Variants in LTBP1 observed in about 807,000 individuals in gnomAD.
LTBP1 encodes latent transforming growth factor beta binding protein 1.
In LTBP1, 129 loss-of-function variants were observed where a neutral mutation model predicts 207.6. The ratio of observed to expected loss-of-function variants is 0.62; its 90% CI spans 0.54 to 0.72. LTBP1 has a LOEUF of 0.72. Among genes scored for constraint, LTBP1 ranks in the 30% least tolerant of loss-of-function variants. LTBP1 has a pLI of 0.00. For missense variants in LTBP1, 2,281 were observed against 2,217.2 expected (o/e 1.03, Z -0.58); for synonymous variants, 963 against 833.7 (o/e 1.16, Z -2.67).
intron 10 of LTBP1, among the ~76,000 whole-genome samples, chr2:33,248,636 G>C (rs2092583474): frequency 6.6e-6 from 1 of 150,842 alleles, no homozygotes. Flanking sequence ...GCCCAGGCTG[G>C]AGTGCAGTGG....
intron 25 of LTBP1, 99 bp downstream of exon 25, chr2:33,343,062 G>A: frequency 7.5e-7 from 1 of 1,330,402 alleles, no homozygotes; most frequent in Non-Finnish European, 1.0e-6. Flanking sequence ...TTTGGGTAGA[G>A]CTTTATCGTA....
At chr2:33,375,704 ATTT>A (rs985682071) in intron 31 of LTBP1, among the ~76,000 whole-genome samples, 6 of 113,750 alleles carry the variant, frequency 5.3e-5, no homozygotes, top group East Asian at 2.7e-4. Flanking sequence ...ATTTTTTTGT[ATTT>A]TTTTTTTTTT....
At chr2:33,215,124 G>T (rs979434910) in intron 7 of LTBP1, among the ~76,000 whole-genome samples, 1 of 152,090 alleles carries the variant, frequency 6.6e-6, no homozygotes, top group Non-Finnish European at 1.5e-5. Context: ...GACATCTGGA[G>T]TAGGGAGCTT....
chr2:32,973,408 G>A (rs565216031), intron 2 of LTBP1, among the ~76,000 whole-genome samples: 11 of 152,018 alleles, frequency 7.2e-5, no homozygotes, highest in Middle Eastern at 6.8e-3. Flanking sequence ...TTTTGTGTCC[G>A]TTACATAATG....
intron 2 of LTBP1, among the ~76,000 whole-genome samples, chr2:32,978,257 A>G (rs961905871): frequency 6.6e-6 from 1 of 152,192 alleles, no homozygotes; most frequent in Non-Finnish European, 1.5e-5. Flanking sequence ...ACTATGTTAA[A>G]TAACAGTATA....
intron 2 of LTBP1, among the ~76,000 whole-genome samples, chr2:33,001,941 C>T (rs138306513): frequency 2.2e-5 from 3 of 134,574 alleles, no homozygotes; most frequent in Non-Finnish European, 3.3e-5. Flanking sequence ...CAGTCTTAGA[C>T]GCTTGCAGAA....
intron 2 of LTBP1, among the ~76,000 whole-genome samples, chr2:32,991,225 C>G (rs546173358): frequency 1.3e-5 from 2 of 152,160 alleles, no homozygotes; most frequent in Admixed American, 6.5e-5. Context: ...TTAATACCTG[C>G]AACTACAGAG....
chr2:33,374,572 C>G (rs2095113218), intron 31 of LTBP1, among the ~76,000 whole-genome samples: 1 of 152,170 alleles, frequency 6.6e-6, no homozygotes, highest in Non-Finnish European at 1.5e-5. Flanking sequence ...CGTTCCAGTT[C>G]TGTGGGACTG....
intron 5 of LTBP1, among the ~76,000 whole-genome samples, chr2:33,139,489 C>T (rs1039268795): frequency 1.3e-5 from 2 of 152,132 alleles, no homozygotes; most frequent in African/African-American, 4.8e-5. Context: ...TGCTAGCAGG[C>T]GCCCAGAGAA....
In LTBP1 at chr2:33,307,073, G is replaced by A. The variant is rs1163521839; in HGVS notation, c.3482-2361G>A. ...CTGCACTCCAGCCTGGCAACAGAGC[G>A]AGACTCCATCTCAAAAACAAAACAA... is the stretch of plus-strand genomic sequence containing the variant. On this transcript the variant is annotated intron_variant, in intron 22 of 33. Transcript: ENST00000404816. Among the ~76,000 whole-genome samples, 3 of 151,602 alleles carry A rather than the reference G, an allele frequency of 2.0e-5. No individual in the cohort carries two copies. In the East Asian group the frequency reaches 5.8e-4, roughly 29 times the overall value.
At chr2:33,265,991 G>A (rs910812641) in intron 15 of LTBP1, among the ~76,000 whole-genome samples, 2 of 152,224 alleles carry the variant, frequency 1.3e-5, no homozygotes, top group Admixed American at 6.5e-5. Flanking sequence ...TAGTGAGTCA[G>A]TAGAACAGGA....
chr2:32,947,431 C>G lies in LTBP1; in HGVS notation c.107C>G (p.Pro36Arg). 3 of 1,441,584 alleles carry G rather than the reference C, an allele frequency of 2.1e-6. No individual in the cohort carries two copies. The highest frequency in any genetic ancestry group is 2.7e-6 in the Non-Finnish European group (3 of 1,100,094). 89.3% of individuals were successfully genotyped at this position (1,441,584 alleles called of 1,614,324 possible). The change falls in exon 1 of 34, where the codon CCC becomes CGC. Residue 36 changes from proline to arginine, a missense_variant. Transcript: ENST00000404816. Reference sequence around the variant, plus strand: ...ATCACCTACGTGGTGCACCCGGGCCCCGGCCTGGCAGCCGGCGCCTTGCCC... The same window carrying G: ...ATCACCTACGTGGTGCACCCGGGCCGCGGCCTGGCAGCCGGCGCCTTGCCC... ...RRITYVVHPG[P>R]GLAAGALPLS... is the part of the protein sequence containing the mutation.
At chr2:33,013,721 T>A (rs1687980219) in intron 2 of LTBP1, among the ~76,000 whole-genome samples, 1 of 152,192 alleles carries the variant, frequency 6.6e-6, no homozygotes, top group Non-Finnish European at 1.5e-5. Context: ...TTGACGGTAT[T>A]GGGAAGAGTG....
intron 5 of LTBP1, among the ~76,000 whole-genome samples, chr2:33,141,685 C>G (rs936507413): frequency 1.3e-5 from 2 of 152,058 alleles, no homozygotes; most frequent in Admixed American, 6.6e-5. Context: ...GGAGCAGGGA[C>G]CTGATGAAGT....
At chr2:33,239,611 G>A (rs1459550068) in intron 9 of LTBP1, among the ~76,000 whole-genome samples, 2 of 151,956 alleles carry the variant, frequency 1.3e-5, no homozygotes, top group African/African-American at 4.8e-5. Context: ...AGACTTGGCC[G>A]GATGCAGTGG....
chr2:33,384,593 T>C (rs1367932005), intron 31 of LTBP1, among the ~76,000 whole-genome samples: 2 of 152,234 alleles, frequency 1.3e-5, no homozygotes, highest in Admixed American at 1.3e-4. Flanking sequence ...ACTATTGTTC[T>C]TGATGCACAG....
chr2:33,273,098 A>G (rs1242590799), intron 15 of LTBP1, among the ~76,000 whole-genome samples: 3 of 152,238 alleles, frequency 2.0e-5, no homozygotes, highest in Non-Finnish European at 1.5e-5. Flanking sequence ...TGAAATTGGC[A>G]AATAAGAGTA....
intron 10 of LTBP1, 102 bp downstream of exon 10, chr2:33,243,886 T>C: frequency 7.5e-7 from 1 of 1,328,496 alleles, no homozygotes; most frequent in Non-Finnish European, 1.1e-6. Flanking sequence ...CTTGTAAATA[T>C]ACAGGAAAAC....
At position 33,020,898 on chromosome 2, in the gene LTBP1, T is replaced by C. The variant is rs1558523309; in HGVS notation, c.566-11T>C. 6.4e-7 allele frequency: 1 copy of C among 1,560,330 alleles called. No individual in the cohort carries two copies. Among genetic ancestry groups the C allele is most frequent in the East Asian group, 2.3e-5 (1 of 43,992 alleles). ...TTCTTCAAAGCTGTGCCTTCTGTTT[T>C]CTTTCTGCAGCTAGCTGTGTTCCGC... is the stretch of plus-strand genomic sequence containing the variant. On this transcript the variant is annotated splice_polypyrimidine_tract_variant and intron_variant, in intron 2 of 33. Transcript: ENST00000404816.
Sources: allele counts gnomAD v4.1 joint callset (sites outside exome capture counted in the v4.1 genomes callset), GRCh38; gene constraint gnomAD v4.1.1; transcripts MANE v1.5; gene names NCBI Gene and HGNC (gene_info 2026-07-23, HGNC 2026-07-21).